YEATS4: variants seen among roughly 807,000 people sequenced by gnomAD.
YEATS4 encodes YEATS domain-containing protein 4.
Under a neutral mutation model 30.1 loss-of-function variants are expected in YEATS4, and 17 were observed. The observed-to-expected ratio is 0.56, with a 90% CI of 0.39 to 0.85. The LOEUF is 0.85. Among genes scored for constraint, YEATS4 ranks in the 40% least tolerant of loss-of-function variants. The probability of loss-of-function intolerance (pLI) is 0.00; values close to 1 mark genes in which losing one functional copy is unlikely to be tolerated. For missense variants in YEATS4, 142 were observed against 268.3 expected (o/e 0.53, Z 3.29); for synonymous variants, 85 against 87.5 (o/e 0.97, Z 0.16).
chr12:69,389,212 G>A (rs1376092284), intron 6 of YEATS4, among the ~76,000 whole-genome samples: 3 of 152,060 alleles, frequency 2.0e-5, no homozygotes, highest in South Asian at 2.1e-4. Context: ...CACTTTGGGA[G>A]GCTAAGGAGG....
the YEATS4 span, among the ~76,000 whole-genome samples, chr12:69,424,831 A>T: frequency 6.6e-6 from 1 of 152,178 alleles, no homozygotes; most frequent in Non-Finnish European, 1.5e-5. Flanking sequence ...TCTTTCCTTT[A>T]TAAATTACCC....
chr12:69,389,553 G>A (rs1298119165), intron 6 of YEATS4, among the ~76,000 whole-genome samples: 5 of 111,406 alleles, frequency 4.5e-5, no homozygotes, highest in Non-Finnish European at 6.9e-5. Flanking sequence ...TCACTCTGTC[G>A]ACCAGGCTGG....
At chr12:69,406,728 A>C in the YEATS4 span, among the ~76,000 whole-genome samples, 1 of 152,232 alleles carries the variant, frequency 6.6e-6, no homozygotes, top group African/African-American at 2.4e-5. Context: ...CATGATCAAC[A>C]AGAACTGCAT....
chr12:69,426,330 A>G, the YEATS4 span, among the ~76,000 whole-genome samples: 1 of 152,300 alleles, frequency 6.6e-6, no homozygotes, highest in South Asian at 2.1e-4. Flanking sequence ...TATGACTCAG[A>G]ATCCATTTTC....
chr12:69,368,990 G>C (rs542569569), intron 4 of YEATS4, among the ~76,000 whole-genome samples: 37 of 152,268 alleles, frequency 2.4e-4, no homozygotes, highest in African/African-American at 8.9e-4. Flanking sequence ...TTACTTGGGA[G>C]GCTGAGGCAG....
chr12:69,369,821 A>G (rs1875573434), intron 4 of YEATS4, among the ~76,000 whole-genome samples: 1 of 152,196 alleles, frequency 6.6e-6, no homozygotes, highest in African/African-American at 2.4e-5. Flanking sequence ...AGCCTGGAAG[A>G]TGTCCTTTAA....
At chr12:69,364,361 T>C (rs1875347993) in intron 2 of YEATS4, 1 of 191,776 alleles carries the variant, frequency 5.2e-6, no homozygotes, top group Admixed American at 5.7e-5. Flanking sequence ...TGAATGTAGA[T>C]ATAAGTAATT....
downstream of YEATS4, among the ~76,000 whole-genome samples, chr12:69,394,986 GCAAAA>G (rs1388898099): frequency 6.6e-6 from 1 of 151,862 alleles, no homozygotes; most frequent in Non-Finnish European, 1.5e-5. Flanking sequence ...AAAAAGCAAA[GCAAAA>G]CAAAAAAAGA....
intron 6 of YEATS4, among the ~76,000 whole-genome samples, chr12:69,384,358 A>C (rs1876191490): frequency 6.6e-6 from 1 of 152,220 alleles, no homozygotes; most frequent in African/African-American, 2.4e-5. Context: ...GTTTTGTGAA[A>C]AGGCTATAAA....
At chr12:69,373,150 A>G (rs1255030172) in intron 6 of YEATS4, among the ~76,000 whole-genome samples, 1 of 152,234 alleles carries the variant, frequency 6.6e-6, no homozygotes, top group Admixed American at 6.5e-5. Flanking sequence ...TCTTTTGGAT[A>G]TATACCTAGC....
chr12:69,425,475 C>T, the YEATS4 span, among the ~76,000 whole-genome samples: 9 of 152,176 alleles, frequency 5.9e-5, no homozygotes, highest in African/African-American at 2.2e-4. Context: ...TGGTGGTGCA[C>T]ACCTTCTCCT....
chr12:69,363,369 G>GA (rs1875309274), intron 2 of YEATS4, among the ~76,000 whole-genome samples: 1 of 151,870 alleles, frequency 6.6e-6, no homozygotes, highest in Non-Finnish European at 1.5e-5. Flanking sequence ...AAAAGTTTTT[G>GA]AAAAAATAGA....
the YEATS4 span, among the ~76,000 whole-genome samples, chr12:69,415,827 G>A: frequency 6.6e-6 from 1 of 152,144 alleles, no homozygotes; most frequent in Admixed American, 6.5e-5. Flanking sequence ...TGGGCAAGAA[G>A]AACAGTTGTG....
chr12:69,372,989 AG>A (rs555332324), intron 6 of YEATS4, among the ~76,000 whole-genome samples: 224 of 152,298 alleles, frequency 1.5e-3, no homozygotes, highest in African/African-American at 5.1e-3. Flanking sequence ...ATGGCTGAAT[AG>A]TACTCTCTTG....
chr12:69,414,547 T>TC, the YEATS4 span, among the ~76,000 whole-genome samples: 1 of 152,128 alleles, frequency 6.6e-6, no homozygotes, highest in East Asian at 1.9e-4. Flanking sequence ...TTTCTTATTG[T>TC]CCCCCAAATT....
intron 6 of YEATS4, among the ~76,000 whole-genome samples, chr12:69,377,957 G>T (rs943322602): frequency 3.3e-5 from 5 of 152,104 alleles, no homozygotes; most frequent in African/African-American, 1.2e-4. Flanking sequence ...GCGATGCCAG[G>T]TATTGTTGTA....
rs370803225 is a variant in YEATS4, at chr12:69,390,333, C to T, written c.*17C>T. 3.9e-6 allele frequency: 6 copies of T among 1,542,996 alleles called. No homozygotes were observed. The African/African-American group carries it at 8.5e-5, about 22-fold the overall frequency. ...GACATATAAACAGTTCTCATGAGAA[C>T]TTGGTAGTAAGCTAAACTGAAAATA... On this transcript the variant is annotated 3_prime_UTR_variant, in exon 7 of 7. Transcript: ENST00000247843.
the YEATS4 span, among the ~76,000 whole-genome samples, chr12:69,410,430 TC>T: frequency 1.3e-5 from 2 of 152,218 alleles, no homozygotes; most frequent in Non-Finnish European, 1.5e-5. Context: ...TGAGCCCAAA[TC>T]TACTGCCTTG....
chr12:69,413,160 C>T, the YEATS4 span, among the ~76,000 whole-genome samples: 2 of 151,940 alleles, frequency 1.3e-5, no homozygotes, highest in East Asian at 3.9e-4. Context: ...TGCCTACTAT[C>T]CCACCACTGT....
Sources: gnomAD v4.1 joint callset for allele counts (sites outside exome capture counted in the v4.1 genomes callset) on GRCh38, gnomAD v4.1.1 for gene constraint, MANE v1.5 for transcripts, NCBI Gene and HGNC (gene_info 2026-07-23, HGNC 2026-07-21) for gene names.